Variants in CDC42BPA observed in about 807,000 individuals in gnomAD.
CDC42BPA encodes serine/threonine-protein kinase MRCK alpha.
Under a neutral mutation model 223.5 loss-of-function variants are expected in CDC42BPA, and 80 were observed. That is an observed-to-expected ratio of 0.36 (90% CI 0.30 to 0.43). The LOEUF (loss-of-function observed/expected upper bound fraction) is 0.43. Among genes scored for constraint, CDC42BPA ranks in the 20% least tolerant of loss-of-function variants. CDC42BPA has a pLI of 1.00. For missense variants in CDC42BPA, 1,743 were observed against 2,099.9 expected, an observed-to-expected ratio of 0.83 and a Z score of 3.32; for synonymous variants, 694 against 718.6, an observed-to-expected ratio of 0.97 and a Z score of 0.55.
intron 12 of CDC42BPA, 27 bp from the exon 13 acceptor site, chr1:227,112,940 T>C: frequency 6.2e-7 from 1 of 1,604,476 alleles, no homozygotes; most frequent in Non-Finnish European, 8.5e-7. Flanking sequence ...AGAATATAAG[T>C]TACCAATTCT....
chr1:227,118,594 GCTAT>G (rs1688135210), intron 12 of CDC42BPA, among the ~76,000 whole-genome samples: 2 of 151,982 alleles, frequency 1.3e-5, no homozygotes, highest in African/African-American at 4.8e-5. Flanking sequence ...TATAAATCTA[GCTAT>G]CTGATTTTCA....
intron 5 of CDC42BPA, among the ~76,000 whole-genome samples, chr1:227,163,190 A>G (rs72751889): frequency 1.2e-4 from 18 of 150,342 alleles, no homozygotes; most frequent in Non-Finnish European, 2.4e-4. Context: ...ATATGTGTGT[A>G]TGTTTCCAAA....
chr1:227,033,360 G>A lies in CDC42BPA; in HGVS notation c.3532C>T (p.Arg1178Trp), dbSNP rs891201776. 6.2e-6 allele frequency: 10 copies of A among 1,612,228 alleles called. No homozygotes were observed. The highest frequency in any genetic ancestry group is 2.7e-5 in the African/African-American group (2 of 74,838). Residue 1178 changes from arginine (R) to tryptophan (W), a missense_variant, in exon 27 of 37, where the codon CGG (arginine) becomes TGG (tryptophan). Arg to Trp is a moderately radical substitution (Grantham distance 101). Transcript: ENST00000366766. Reference sequence around the variant, plus strand: ...CTAAATATACAGGGTATATCTTTCCGACTTGCATGGATAACATCAGAAGCC... The same window carrying A: ...CTAAATATACAGGGTATATCTTTCCAACTTGCATGGATAACATCAGAAGCC... ...VLASDVIHAS[R>W]KDIPCIFRVT...
intron 2 of CDC42BPA, among the ~76,000 whole-genome samples, chr1:227,230,816 C>CTTTTTTTTTTTTTTTTTTTTTTTTTT (rs34787332): frequency 3.0e-4 from 16 of 54,054 alleles, no homozygotes; most frequent in Non-Finnish European, 5.0e-4. Flanking sequence ...TTTTTTCTTT[C>CTTTTTTTTTTTTTTTTTTTTTTTTTT]TTTCTTTTTT....
intron 1 of CDC42BPA, among the ~76,000 whole-genome samples, chr1:227,265,687 C>A (rs1158990929): frequency 6.6e-6 from 1 of 151,824 alleles, no homozygotes; most frequent in Non-Finnish European, 1.5e-5. Flanking sequence ...TAGAACCTCC[C>A]ATCTATTTGA....
chr1:227,294,112 A>G (rs575142682), intron 1 of CDC42BPA, among the ~76,000 whole-genome samples: 1 of 152,036 alleles, frequency 6.6e-6, no homozygotes, highest in South Asian at 2.1e-4. Flanking sequence ...TCTACTAAAA[A>G]TACAAAAAAA....
At chr1:227,136,261 G>A (rs1283297602) in intron 10 of CDC42BPA, among the ~76,000 whole-genome samples, 1 of 152,154 alleles carries the variant, frequency 6.6e-6, no homozygotes, top group Non-Finnish European at 1.5e-5. Flanking sequence ...AGACTAATTA[G>A]ATGGACTTAA....
chr1:227,040,646 AGAGT>A (rs1339219756), intron 23 of CDC42BPA, among the ~76,000 whole-genome samples: 1 of 152,162 alleles, frequency 6.6e-6, no homozygotes, highest in Non-Finnish European at 1.5e-5. Flanking sequence ...CTTAGGAAAA[AGAGT>A]TATTTAAAAT....
At chr1:227,073,223 C>A (rs944806369) in intron 19 of CDC42BPA, among the ~76,000 whole-genome samples, 2 of 152,066 alleles carry the variant, frequency 1.3e-5, no homozygotes, top group Admixed American at 6.6e-5. Flanking sequence ...CTCTATGTCA[C>A]TTAAACTGGC....
At chr1:227,159,908 A>C (rs766956242) in intron 6 of CDC42BPA, among the ~76,000 whole-genome samples, 3 of 151,724 alleles carry the variant, frequency 2.0e-5, no homozygotes, top group Non-Finnish European at 4.4e-5. Context: ...CAGTGGTGCA[A>C]TCTTGGCTCA....
chr1:227,023,397 A>AT (rs1667728569), intron 31 of CDC42BPA, 50 bp from the exon 32 acceptor site: 1 of 1,003,114 alleles, frequency 1.0e-6, no homozygotes, highest in Admixed American at 2.4e-5. Flanking sequence ...TAAAAATTAA[A>AT]TTATAAAACT....
At chr1:227,177,056 ATACATT>A (rs554532845) in intron 5 of CDC42BPA, among the ~76,000 whole-genome samples, 102 of 150,004 alleles carry the variant, frequency 6.8e-4, no homozygotes, top group Non-Finnish European at 1.2e-3. Flanking sequence ...TAGCTGTCAT[ATACATT>A]ATGTATTCAT....
At chr1:227,198,807 T>C (rs113923498) in intron 4 of CDC42BPA, among the ~76,000 whole-genome samples, 15,570 of 151,484 alleles carry the variant, frequency 0.1, 914 homozygotes, top group Middle Eastern at 0.17. Context: ...CAGGCTGGAG[T>C]GCAGTGGCAT....
intron 35 of CDC42BPA, among the ~76,000 whole-genome samples, chr1:226,998,010 TAG>T (rs910133151): frequency 3.3e-5 from 5 of 152,000 alleles, no homozygotes; most frequent in African/African-American, 1.2e-4. Context: ...ACACCAATAA[TAG>T]AGAGCCAAAT....
intron 22 of CDC42BPA, among the ~76,000 whole-genome samples, chr1:227,048,281 T>C (rs1041775227): frequency 6.6e-6 from 1 of 152,000 alleles, no homozygotes; most frequent in Non-Finnish European, 1.5e-5. Context: ...GATCAAATGA[T>C]TCAAATAAAA....
At chr1:227,263,582 ATTTTTTT>A (rs34757020) in intron 1 of CDC42BPA, among the ~76,000 whole-genome samples, 3 of 135,142 alleles carry the variant, frequency 2.2e-5, no homozygotes, top group African/African-American at 8.1e-5. Flanking sequence ...TTGAGAATCA[ATTTTTTT>A]TTTTTTTTTT....
At chr1:227,126,512 GAAGGAAGGTAAGA>G (rs774267664) in intron 11 of CDC42BPA, among the ~76,000 whole-genome samples, 4,188 of 100,084 alleles carry the variant, frequency 0.042, 119 homozygotes, top group African/African-American at 0.056. Flanking sequence ...AGGAAGGAAG[GAAGGAAGGTAAGA>G]AAGGAAAAAG....
intron 5 of CDC42BPA, among the ~76,000 whole-genome samples, chr1:227,190,664 C>T (rs1326503681): frequency 6.6e-6 from 1 of 152,138 alleles, no homozygotes; most frequent in Non-Finnish European, 1.5e-5. Context: ...TATGCTATAC[C>T]CACTTACTTA....
intron 25 of CDC42BPA, among the ~76,000 whole-genome samples, chr1:227,035,030 C>A (rs1312408791): frequency 2.0e-5 from 3 of 152,078 alleles, no homozygotes; most frequent in African/African-American, 7.2e-5. Flanking sequence ...TTAATGGTAC[C>A]ATTTTAACTT....
Sources: gnomAD v4.1 joint callset for allele counts (sites outside exome capture counted in the v4.1 genomes callset) on GRCh38, gnomAD v4.1.1 for gene constraint, MANE v1.5 for transcripts, NCBI Gene and HGNC (gene_info 2026-07-23, HGNC 2026-07-21) for gene names.